Variants in MAD1L1 observed in about 807,000 individuals in gnomAD.
MAD1L1 encodes the protein mitotic spindle assembly checkpoint protein MAD1.
Under a neutral mutation model 96.9 loss-of-function variants are expected in MAD1L1, and 95 were observed. The observed-to-expected ratio is 0.98, with a 90% CI of 0.83 to 1.16. The LOEUF (loss-of-function observed/expected upper bound fraction) is 1.16. MAD1L1 is among the 50% of genes most tolerant of loss of function. The pLI, the probability that MAD1L1 is intolerant of heterozygous loss-of-function variation, is 0.00. For missense variants in MAD1L1, 1,007 were observed against 954.4 expected (o/e 1.06, Z -0.73); for synonymous variants, 473 against 396.6 (o/e 1.19, Z -2.29).
chr7:2,202,525 A>T (rs556819678), intron 10 of MAD1L1, among the ~76,000 whole-genome samples: 1 of 152,314 alleles, frequency 6.6e-6, no homozygotes, highest in South Asian at 2.1e-4. Context: ...ACAAACGAAA[A>T]GGGGAAACGT....
intron 14 of MAD1L1, among the ~76,000 whole-genome samples, chr7:1,992,423 T>G (rs536278709): frequency 6.6e-6 from 1 of 152,182 alleles, no homozygotes. Context: ...AGATGGCAAC[T>G]GCTCTCTGGA....
At chr7:2,219,574 C>T (rs1175533250) in intron 5 of MAD1L1, 118 bp from the exon 6 acceptor site, 1 of 1,088,630 alleles carries the variant, frequency 9.2e-7, no homozygotes. Flanking sequence ...ATAATCAGGG[C>T]AGGAGGCAGA....
chr7:2,038,498 C>CTTTTTTTTTTTTTTTTTT (rs60466584), intron 12 of MAD1L1, among the ~76,000 whole-genome samples: 2 of 92,826 alleles, frequency 2.2e-5, no homozygotes, highest in African/African-American at 3.6e-5. Flanking sequence ...AAGCTGATGA[C>CTTTTTTTTTTTTTTTTTT]TTTTTTTTTT....
Position 2,119,472 on chromosome 7 carries a change from G to A in MAD1L1, c.1073+29680C>T, listed in dbSNP as rs893115250. ...CTGTAGCTGGCCAAAGCTGGACGAC[G>A]CCACAAGAGCAGCTCTTTACATCCT... On this transcript the variant is annotated intron_variant, in intron 11 of 18. Transcript: ENST00000265854. The surrounding 1 kb of genome is among the most constrained non-coding windows in gnomAD (Gnocchi z 4.6). 6.6e-6 allele frequency among the ~76,000 whole-genome samples: 1 copy of A among 152,086 alleles called. No homozygotes were observed. Among genetic ancestry groups the A allele is most frequent in the Non-Finnish European group, 1.5e-5 (1 of 68,002 alleles).
intron 13 of MAD1L1, among the ~76,000 whole-genome samples, chr7:2,009,689 C>T (rs552956340): frequency 1.3e-5 from 2 of 152,328 alleles, no homozygotes; most frequent in East Asian, 1.9e-4. Flanking sequence ...AGGGGCTCCA[C>T]TGCAGCCCCT....
At chr7:1,888,169 G>A in intron 18 of MAD1L1, among the ~76,000 whole-genome samples, 1 of 139,500 alleles carries the variant, frequency 7.2e-6, no homozygotes, top group Non-Finnish European at 1.6e-5. Context: ...CATGTGTGCA[G>A]CTGCCTGTGC....
At chr7:1,828,495 G>A (rs535129136) in intron 18 of MAD1L1, among the ~76,000 whole-genome samples, 82 of 152,262 alleles carry the variant, frequency 5.4e-4, no homozygotes, top group African/African-American at 1.8e-3. Context: ...GCCTGTCTCC[G>A]GCAGCCTCGC....
intron 11 of MAD1L1, chr7:2,148,289 C>G (rs973315757): frequency 1.3e-5 from 2 of 152,694 alleles, no homozygotes; most frequent in African/African-American, 4.8e-5. Flanking sequence ...GCCCTCCGCA[C>G]AGACCCACGG....
intron 17 of MAD1L1, among the ~76,000 whole-genome samples, chr7:1,915,618 A>G (rs1197299968): frequency 6.6e-6 from 1 of 152,230 alleles, no homozygotes; most frequent in African/African-American, 2.4e-5. Context: ...TGCTGCGGGT[A>G]CAAGCAAATG....
rs1455775421 is a variant in MAD1L1, at chr7:1,909,331, G to A, written c.1808-10941C>T. 2.0e-5 allele frequency among the ~76,000 whole-genome samples: 3 copies of A among 152,198 alleles called. No homozygotes were observed. The East Asian group carries it at 5.8e-4, about 29-fold the overall frequency. On this transcript the variant is annotated intron_variant, in intron 17 of 18. Coordinates refer to ENST00000265854, the MANE Select transcript of MAD1L1 (RefSeq NM_001013836.2). ...AGCCCCGGTCCTGCCCAGGCCCAAT[G>A]CCGAGCCAGGCTTCCCGGGACTGAA...
chr7:1,885,074 A>G (rs991529576), intron 18 of MAD1L1, among the ~76,000 whole-genome samples: 22 of 152,224 alleles, frequency 1.4e-4, no homozygotes, highest in African/African-American at 5.3e-4. Flanking sequence ...GTACTTAGTC[A>G]TCACCACTGG....
chr7:1,995,662 GC>G (rs1319947102), intron 14 of MAD1L1, among the ~76,000 whole-genome samples: 1 of 152,180 alleles, frequency 6.6e-6, no homozygotes, highest in Non-Finnish European at 1.5e-5. Context: ...CACATCCCTG[GC>G]CCCAAAGAGC....
chr7:2,167,278 C>T (rs369903787), intron 10 of MAD1L1, among the ~76,000 whole-genome samples: 1 of 152,088 alleles, frequency 6.6e-6, no homozygotes, highest in Non-Finnish European at 1.5e-5. Flanking sequence ...CCGGGCGCGG[C>T]AGCTCATGCC....
At chr7:1,999,389 C>T (rs927550951) in intron 14 of MAD1L1, among the ~76,000 whole-genome samples, 3 of 152,206 alleles carry the variant, frequency 2.0e-5, no homozygotes, top group Non-Finnish European at 4.4e-5. Context: ...CTGAGCAAAG[C>T]GTCACATCTC....
intron 14 of MAD1L1, among the ~76,000 whole-genome samples, chr7:1,994,736 C>A (rs1288435315): frequency 6.6e-6 from 1 of 152,188 alleles, no homozygotes; most frequent in Non-Finnish European, 1.5e-5. Flanking sequence ...AGTGAGAGGG[C>A]GCCATCTGGA....
chr7:2,052,012 G>A (rs1784201537), intron 12 of MAD1L1, among the ~76,000 whole-genome samples: 1 of 152,144 alleles, frequency 6.6e-6, no homozygotes, highest in Non-Finnish European at 1.5e-5. Context: ...GTCAGGCAGG[G>A]AAACAGCCAG....
At chr7:1,932,578 C>G (rs1789544210) in intron 17 of MAD1L1, among the ~76,000 whole-genome samples, 1 of 152,264 alleles carries the variant, frequency 6.6e-6, no homozygotes, top group South Asian at 2.1e-4. Flanking sequence ...CGCTAGATGA[C>G]TGATCCCGGA....
intron 12 of MAD1L1, among the ~76,000 whole-genome samples, chr7:2,065,836 G>A (rs945361197): frequency 3.3e-5 from 5 of 152,220 alleles, no homozygotes; most frequent in African/African-American, 1.2e-4. Flanking sequence ...ACAACAAGGG[G>A]TGGGAAGCGG....
At chr7:1,863,291 G>T (rs1216277044) in intron 18 of MAD1L1, among the ~76,000 whole-genome samples, 1 of 152,266 alleles carries the variant, frequency 6.6e-6, no homozygotes, top group Non-Finnish European at 1.5e-5. Context: ...GAAGGCCTGG[G>T]GCCAGGATCT....
Sources: allele counts gnomAD v4.1 joint callset (sites outside exome capture counted in the v4.1 genomes callset), GRCh38; gene constraint gnomAD v4.1.1; non-coding constraint Gnocchi (gnomAD v3.1); transcripts MANE v1.5; gene names NCBI Gene and HGNC (gene_info 2026-07-23, HGNC 2026-07-21).